KRT77: variants seen among roughly 807,000 people sequenced by gnomAD.
KRT77 encodes keratin, type II cytoskeletal 1b.
Under a neutral mutation model 51.5 loss-of-function variants are expected in KRT77, and 44 were observed. The ratio of observed to expected loss-of-function variants is 0.85; its 90% CI spans 0.67 to 1.10. The LOEUF is 1.10. KRT77 is among the 50% of genes least tolerant of loss of function. KRT77 has a pLI of 0.00. For missense variants in KRT77, 763 were observed against 743.9 expected, an observed-to-expected ratio of 1.03 and a Z score of -0.30; for synonymous variants, 293 against 302.0, an observed-to-expected ratio of 0.97 and a Z score of 0.31.
intron 4 of KRT77, 38 bp from the exon 5 acceptor site, chr12:52,694,828 T>C: frequency 6.7e-7 from 1 of 1,501,746 alleles, no homozygotes; most frequent in East Asian, 2.4e-5. Context: ...CCTTCCATTC[T>C]CCTCTGGGGG....
At chr12:52,693,801 C>T (rs80326411) in intron 5 of KRT77, 5 of 150,876 alleles carry the variant, frequency 3.3e-5, no homozygotes, top group African/African-American at 1.2e-4. Context: ...TTTAGTGTCA[C>T]AGAAAAGTAT....
Position 52,703,096 on chromosome 12 carries a change from C to T in KRT77, c.339G>A (p.Gly113=). ...GAGGFGGGGF[G]GAGFGTSNFG... is the part of the protein sequence containing the mutation. ...AATTGCTAGTCCCAAATCCAGCACCCCCAAAACCACCTCCTCCAAAGCCAC... is the reference window on the plus strand; with the variant it reads ...AATTGCTAGTCCCAAATCCAGCACCTCCAAAACCACCTCCTCCAAAGCCAC... Residue 113 remains glycine, a synonymous_variant, in exon 1 of 9, where the codon GGG becomes GGA. Transcript: ENST00000341809. The T allele has an allele frequency of 6.2e-7, 1 of 1,613,202 alleles. No homozygotes were observed. The highest frequency in any genetic ancestry group is 8.5e-7 in the Non-Finnish European group (1 of 1,179,476).
Position 52,691,301 on chromosome 12 carries a change from C to T in KRT77, c.1601G>A (p.Ser534Asn). Residue 534 changes from serine (S) to asparagine (N), a missense_variant, in exon 9 of 9, where the codon AGT becomes AAT. Physicochemically the swap from Ser to Asn is conservative, Grantham distance 46 (BLOSUM62 1). Transcript: ENST00000341809. ...GCAGCCGCTGCCATAACCGCCTCCA[C>T]TCCTGCCTCGTGCCCCGCCTCCGCG... is the stretch of plus-strand genomic sequence containing the variant. ...SYRGGGARGR[S>N]GGGYGSGCGG... is the part of the protein sequence containing the mutation. The T allele has an allele frequency of 2.5e-6, 4 of 1,600,616 alleles. No homozygotes were observed. Among genetic ancestry groups the T allele is most frequent in the Middle Eastern group, 1.7e-4 (1 of 5,986 alleles).
At position 52,691,345 on chromosome 12, in the gene KRT77, A is replaced by C; in HGVS notation, c.1557T>G (p.Tyr519Ter). Residue 519 changes from tyrosine to a stop codon, truncating the protein, a stop_gained, in exon 9 of 9, where the codon TAT (tyrosine) becomes TAG (stop). Coordinates refer to ENST00000341809, the MANE Select transcript of KRT77 (RefSeq NM_175078.3). LOFTEE classifies it low-confidence loss of function (END_TRUNC). ...GGYGGGSGGG[Y>*]GGGRSYRGGG... The stretch of plus-strand genomic sequence containing the variant: ...CTCCGCGGTAGCTTCTTCCGCCGCC[A>C]TAGCCCCCACCGCTGCCGCCGCCGT... 1 of 1,594,862 alleles carries C rather than the reference A, an allele frequency of 6.3e-7. No individual in the cohort carries two copies. Among genetic ancestry groups the C allele is most frequent in the Non-Finnish European group, 8.5e-7 (1 of 1,171,736 alleles).
In KRT77 at chr12:52,691,957, C is replaced by T. The variant is rs1435816814; in HGVS notation, c.1443G>A (p.Leu481=). Reference sequence around the variant, plus strand: ...ACTTACAGATGCTCACATGGCTCTGCAGCTCTCCTGACATCCTGTAAAACC... The same window carrying T: ...ACTTACAGATGCTCACATGGCTCTGTAGCTCTCCTGACATCCTGTAAAACC... ...EGEESRMSGE[L]QSHVSISVQN... Residue 481 remains leucine, a synonymous_variant, in exon 8 of 9, where the codon CTG becomes CTA. Transcript: ENST00000341809. 2 of 1,614,064 alleles carry T rather than the reference C, an allele frequency of 1.2e-6. No homozygotes were observed. The highest frequency in any genetic ancestry group is 2.2e-5 in the South Asian group (2 of 91,090).
Position 52,691,141 on chromosome 12 carries a change from T to C in KRT77, c.*24A>G, listed in dbSNP as rs757482908. ...AGGAGAGGGCGGTGAGGGGCAGGCGTGATGTGTGGCAGAAACGAGGCCTCT... is the reference window on the plus strand; with the variant it reads ...AGGAGAGGGCGGTGAGGGGCAGGCGCGATGTGTGGCAGAAACGAGGCCTCT... On this transcript the variant is annotated 3_prime_UTR_variant, in exon 9 of 9. Coordinates refer to ENST00000341809, the MANE Select transcript of KRT77 (RefSeq NM_175078.3). The C allele has an allele frequency of 4.5e-5, 73 of 1,613,528 alleles. No individual in the cohort carries two copies. Among genetic ancestry groups the C allele is most frequent in the Non-Finnish European group, 6.0e-5 (71 of 1,179,838 alleles).
Position 52,691,948 on chromosome 12 carries a change from A to G in KRT77, c.1452T>C (p.His484=), listed in dbSNP as rs2121041874. The change falls in exon 8 of 9, where the codon CAT becomes CAC. Residue 484 remains histidine, a synonymous_variant. Transcript: ENST00000341809. ...ESRMSGELQS[H]VSISVQNSQV... is the part of the protein sequence containing the mutation. Reference sequence around the variant, plus strand: ...GGCTCTGCTACTTACAGATGCTCACATGGCTCTGCAGCTCTCCTGACATCC... The same window carrying G: ...GGCTCTGCTACTTACAGATGCTCACGTGGCTCTGCAGCTCTCCTGACATCC... 1 of 1,614,018 alleles carries G rather than the reference A, an allele frequency of 6.2e-7. No individual in the cohort carries two copies. The highest frequency in any genetic ancestry group is 2.2e-5 in the East Asian group (1 of 44,880).
chr12:52,698,128 G>T (rs1281527479), intron 1 of KRT77: 3 of 1,435,834 alleles, frequency 2.1e-6, no homozygotes, highest in Admixed American at 4.2e-5. Flanking sequence ...AGCTCACTCT[G>T]GTTTTGAAGG....
chr12:52,703,138 A>T lies in KRT77; in HGVS notation c.297T>A (p.Val99=), dbSNP rs767142031. The part of the protein sequence containing the change: ...GGFGGGRGFG[V]GSTGAGGFGG... ...CAAAGCCACCAGCCCCGGTGCTGCC[A>T]ACCCCAAAGCCTCTGCCCCCTCCAA... Residue 99 remains valine, a synonymous_variant, in exon 1 of 9, where the codon GTT becomes GTA. Coordinates refer to ENST00000341809, the MANE Select transcript of KRT77 (RefSeq NM_175078.3). The T allele has an allele frequency of 1.2e-6, 2 of 1,609,748 alleles. No homozygotes were observed. Among genetic ancestry groups the T allele is most frequent in the Admixed American group, 3.3e-5 (2 of 59,812 alleles).
At chr12:52,702,076 G>A (rs578155295) in intron 1 of KRT77, among the ~76,000 whole-genome samples, 40 of 152,202 alleles carry the variant, frequency 2.6e-4, no homozygotes, top group Middle Eastern at 6.8e-3. Flanking sequence ...TGCTCACTTC[G>A]GCAGCACATA....
chr12:52,691,543 G>T lies in KRT77; in HGVS notation c.1463-104C>A. ...CCTCCTCCATCCTCGATCACCCGTGGCATCGACTTGCAAACCCCATACATT... is the reference window on the plus strand; with the variant it reads ...CCTCCTCCATCCTCGATCACCCGTGTCATCGACTTGCAAACCCCATACATT... On this transcript the variant is annotated intron_variant, in intron 8 of 8. Coordinates refer to ENST00000341809, the MANE Select transcript of KRT77 (RefSeq NM_175078.3). 1.1e-5 allele frequency: 14 copies of T among 1,296,666 alleles called. No homozygotes were observed. In the South Asian group the frequency reaches 2.0e-4, roughly 18 times the overall value. 80.3% of individuals were successfully genotyped at this position (1,296,666 alleles called of 1,614,324 possible). A position where few individuals can be genotyped will look rare whatever the true frequency, so the allele number is the denominator to read the frequency against.
intron 1 of KRT77, among the ~76,000 whole-genome samples, chr12:52,700,052 T>G (rs564095002): frequency 1.3e-5 from 2 of 152,356 alleles, no homozygotes; most frequent in South Asian, 4.1e-4. Flanking sequence ...GGGTAAGAGC[T>G]GAAACCCTCC....
chr12:52,694,011 T>G (rs1024514098), intron 5 of KRT77, among the ~76,000 whole-genome samples: 2 of 149,746 alleles, frequency 1.3e-5, no homozygotes, highest in African/African-American at 4.9e-5. Flanking sequence ...CACTCCAGCC[T>G]GGGAGATAGA....
chr12:52,698,671 T>G (rs1475938222), intron 1 of KRT77, among the ~76,000 whole-genome samples: 1 of 152,208 alleles, frequency 6.6e-6, no homozygotes, highest in Non-Finnish European at 1.5e-5. Context: ...CGGCTGGCTG[T>G]GCAAAGTGTG....
chr12:52,692,971 G>A (rs965407290), intron 5 of KRT77, 91 bp from the exon 6 acceptor site: 2 of 1,438,648 alleles, frequency 1.4e-6, no homozygotes, highest in Admixed American at 1.8e-5. Flanking sequence ...TCCCCTGGGA[G>A]ATTCCCACCC....
rs202182451 is a variant in KRT77 at position 52,695,815 on chromosome 12, G to A, written c.872C>T (p.Thr291Ile). ...CAAGAAATTGACCTCCCCAGTCAGA[G>A]TGTCCACCCTGGACTCCAGGTCCAC... The part of the protein sequence containing the change: ...SKVDLESRVD[T>I]LTGEVNFLKY... The change falls in exon 4 of 9, where the codon ACT becomes ATT. Residue 291 changes from threonine to isoleucine, a missense_variant. Physicochemically the swap from Thr to Ile is moderately conservative, Grantham distance 89. Transcript: ENST00000341809. 1.2e-6 allele frequency: 2 copies of A among 1,614,020 alleles called. No individual in the cohort carries two copies. The highest frequency in any genetic ancestry group is 1.7e-6 in the Non-Finnish European group (2 of 1,179,824).
chr12:52,697,232 G>A (rs1436577118), intron 2 of KRT77, among the ~76,000 whole-genome samples: 1 of 152,182 alleles, frequency 6.6e-6, no homozygotes, highest in East Asian at 1.9e-4. Context: ...CATATCTGCT[G>A]AATCAAAAAC....
intron 5 of KRT77, 21 bp from the exon 6 acceptor site, chr12:52,692,901 A>T: frequency 6.2e-7 from 1 of 1,601,828 alleles, no homozygotes; most frequent in Non-Finnish European, 8.5e-7. Context: ...AGGCAGCATC[A>T]TAGTCAGCAT....
In KRT77 at chr12:52,691,339, G is replaced by T. The variant is rs1343103839; in HGVS notation, c.1563C>A (p.Gly521=). The change falls in exon 9 of 9, where the codon GGC becomes GGA. Residue 521 remains glycine, a synonymous_variant. Transcript: ENST00000341809. The part of the protein sequence containing the change: ...YGGGSGGGYG[G]GRSYRGGGAR... ...CCCCGCCTCCGCGGTAGCTTCTTCC[G>T]CCGCCATAGCCCCCACCGCTGCCGC... The T allele has an allele frequency of 3.1e-6, 5 of 1,590,646 alleles. No individual in the cohort carries two copies. Among genetic ancestry groups the T allele is most frequent in the African/African-American group, 2.7e-5 (2 of 74,486 alleles).
Sources: gnomAD v4.1 joint callset for allele counts (sites outside exome capture counted in the v4.1 genomes callset) on GRCh38, gnomAD v4.1.1 for gene constraint, MANE v1.5 for transcripts, NCBI Gene and HGNC (gene_info 2026-07-23, HGNC 2026-07-21) for gene names.